Variants in PPP2R5E observed in about 807,000 individuals in gnomAD.
PPP2R5E encodes protein phosphatase 2 regulatory subunit B'epsilon.
In PPP2R5E, 4 loss-of-function variants were observed where a neutral mutation model predicts 65.3. The observed-to-expected ratio is 0.06, with a 90% CI of 0.03 to 0.14. The LOEUF (loss-of-function observed/expected upper bound fraction) is 0.14. PPP2R5E is among the 10% of genes least tolerant of loss of function. The probability of loss-of-function intolerance (pLI) is 1.00; values close to 1 mark genes in which losing one functional copy is unlikely to be tolerated. For missense variants in PPP2R5E, 274 were observed against 556.1 expected (o/e 0.49, Z 5.10); for synonymous variants, 183 against 187.4 (o/e 0.98, Z 0.19).
At chr14:63,401,640 C>A (rs1885758546) in intron 5 of PPP2R5E, among the ~76,000 whole-genome samples, 1 of 152,060 alleles carries the variant, frequency 6.6e-6, no homozygotes, top group Admixed American at 6.6e-5. Flanking sequence ...GGGGATTGAA[C>A]CTCTCTCCTC....
At chr14:63,526,348 A>C (rs74056141) in intron 2 of PPP2R5E, among the ~76,000 whole-genome samples, 20,575 of 152,156 alleles carry the variant, frequency 0.14, 1,512 homozygotes, top group African/African-American at 0.18. Flanking sequence ...CTTATTTTTC[A>C]ATATCATCCT....
At chr14:63,433,835 T>G (rs1887819025) in intron 3 of PPP2R5E, among the ~76,000 whole-genome samples, 1 of 152,182 alleles carries the variant, frequency 6.6e-6, no homozygotes, top group Non-Finnish European at 1.5e-5. Context: ...AGGTTATCTT[T>G]CTGAAGTTCC....
At chr14:63,539,402 T>C (rs1893795820) in intron 2 of PPP2R5E, 127 bp downstream of exon 2, 1 of 1,025,894 alleles carries the variant, frequency 9.7e-7, no homozygotes, top group Admixed American at 2.8e-5. Context: ...CATTAGTAAC[T>C]TCAATGTATG....
intron 5 of PPP2R5E, among the ~76,000 whole-genome samples, chr14:63,403,741 T>C (rs978319653): frequency 6.7e-6 from 1 of 149,144 alleles, no homozygotes; most frequent in African/African-American, 2.5e-5. Context: ...TAGTGATGAA[T>C]ACACAGGAAA....
chr14:63,513,794 C>G (rs1291811259), intron 2 of PPP2R5E, among the ~76,000 whole-genome samples: 1 of 152,176 alleles, frequency 6.6e-6, no homozygotes, highest in Non-Finnish European at 1.5e-5. Context: ...GCTCATCTTT[C>G]ATTAATTGTG....
chr14:63,516,051 A>G (rs11158494), intron 2 of PPP2R5E, among the ~76,000 whole-genome samples: 28,079 of 151,442 alleles, frequency 0.19, 3,270 homozygotes, highest in African/African-American at 0.32. Context: ...GGCTTTCACC[A>G]TGTTAGCCAG....
rs1357154368 is a variant in PPP2R5E, at chr14:63,474,586, T to C, written c.158-20701A>G. Among the ~76,000 whole-genome samples, 27 of 138,990 alleles carry C rather than the reference T, an allele frequency of 1.9e-4. No homozygotes were observed. The Admixed American group carries it at 2.1e-3, about 11-fold the overall frequency. The allele number at this position is 138,990 out of a possible 152,430, so 91.2% of individuals were successfully genotyped here. ...TACTCGGGAGGCTGAGATGGGAGGATGGCTTGAGCCCAGGGAGGTCGAGGC... is the reference window on the plus strand; with the variant it reads ...TACTCGGGAGGCTGAGATGGGAGGACGGCTTGAGCCCAGGGAGGTCGAGGC... On this transcript the variant is annotated intron_variant, in intron 2 of 13. Transcript: ENST00000337537.
At chr14:63,408,847 C>A (rs1363384738) in intron 5 of PPP2R5E, among the ~76,000 whole-genome samples, 2 of 152,182 alleles carry the variant, frequency 1.3e-5, no homozygotes, top group Non-Finnish European at 2.9e-5. Context: ...GTATTGCCAG[C>A]ACTTTGGGAG....
chr14:63,384,559 C>A lies in PPP2R5E; in HGVS notation c.1087G>T (p.Ala363Ser), dbSNP rs745671841. The change falls in exon 12 of 14, where the codon GCA (alanine) becomes TCA (serine). Residue 363 changes from alanine (A) to serine (S), a missense_variant. This residue lies in a region of PPP2R5E where 129 missense variants were observed against 254.9 expected (regional missense o/e 0.51). Transcript: ENST00000337537. ...TATTCATTATTCCAATAATAGAGTG[C>A]TCTTTCTGCCACCTTTGGGAAAAGA... Reference protein sequence around the residue: ...SSPHFQVAERALYYWNNEYIM... With the variant: ...SSPHFQVAERSLYYWNNEYIM... 6.2e-7 allele frequency: 1 copy of A among 1,610,192 alleles called. No individual in the cohort carries two copies. Among genetic ancestry groups the A allele is most frequent in the Non-Finnish European group, 8.5e-7 (1 of 1,178,334 alleles).
At chr14:63,441,452 C>A (rs1353578264) in intron 3 of PPP2R5E, among the ~76,000 whole-genome samples, 1 of 152,206 alleles carries the variant, frequency 6.6e-6, no homozygotes, top group African/African-American at 2.4e-5. Context: ...TTAGTTACTG[C>A]CAGAAATGGG....
In PPP2R5E at chr14:63,500,454, T is replaced by G. The variant is rs944587118; in HGVS notation, c.157+39075A>C. On this transcript the variant is annotated intron_variant, in intron 2 of 13. Transcript: ENST00000337537. ...CGTTTACATTGACTAAATTCTAAACTCAGGATTTAGGACAAAATAATAAAA... is the reference window on the plus strand; with the variant it reads ...CGTTTACATTGACTAAATTCTAAACGCAGGATTTAGGACAAAATAATAAAA... 8.5e-5 allele frequency among the ~76,000 whole-genome samples: 13 copies of G among 152,326 alleles called. No homozygotes were observed. The East Asian group carries it at 2.5e-3, about 29-fold the overall frequency.
chr14:63,526,512 GTCTCTCTTTCTCTT>G (rs1893190878), intron 2 of PPP2R5E, among the ~76,000 whole-genome samples: 1 of 151,938 alleles, frequency 6.6e-6, no homozygotes, highest in Non-Finnish European at 1.5e-5. Flanking sequence ...CTGTCTCTCT[GTCTCTCTTTCTCTT>G]TCTCTCTCTC....
intron 3 of PPP2R5E, among the ~76,000 whole-genome samples, chr14:63,422,478 G>A (rs1230242391): frequency 3.3e-5 from 5 of 152,174 alleles, no homozygotes; most frequent in African/African-American, 1.2e-4. Flanking sequence ...TGTAATCCCA[G>A]CACTTTGGGA....
At chr14:63,531,196 CAT>C (rs1309434187) in intron 2 of PPP2R5E, among the ~76,000 whole-genome samples, 1 of 152,106 alleles carries the variant, frequency 6.6e-6, no homozygotes, top group Non-Finnish European at 1.5e-5. Context: ...AAAAAAATAA[CAT>C]ATGTATACAT....
chr14:63,401,189 G>A (rs900637583), intron 5 of PPP2R5E, among the ~76,000 whole-genome samples: 1 of 152,150 alleles, frequency 6.6e-6, no homozygotes, highest in Non-Finnish European at 1.5e-5. Flanking sequence ...ATTTTATGAT[G>A]TATGAGAGAG....
At chr14:63,486,639 C>T (rs78623442) in intron 2 of PPP2R5E, among the ~76,000 whole-genome samples, 2 of 151,986 alleles carry the variant, frequency 1.3e-5, no homozygotes, top group Admixed American at 6.6e-5. Flanking sequence ...CTGTTTCCCA[C>T]CCTCCCATTT....
chr14:63,540,308 G>A (rs1191395057), intron 1 of PPP2R5E, among the ~76,000 whole-genome samples: 4 of 151,296 alleles, frequency 2.6e-5, no homozygotes, highest in Admixed American at 1.3e-4. Context: ...GCATGCACCT[G>A]TAATCTCAGC....
intron 2 of PPP2R5E, among the ~76,000 whole-genome samples, chr14:63,485,935 T>C (rs941934943): frequency 6.6e-6 from 1 of 151,284 alleles, no homozygotes; most frequent in African/African-American, 2.4e-5. Context: ...GTTCAAGTGA[T>C]TTTCCTGCCT....
chr14:63,388,577 T>C (rs973787985), intron 11 of PPP2R5E, among the ~76,000 whole-genome samples: 3 of 152,244 alleles, frequency 2.0e-5, no homozygotes, highest in Admixed American at 2.0e-4. Context: ...AATATCTATA[T>C]ACTGTTCTGT....
Sources: allele counts gnomAD v4.1 joint callset (sites outside exome capture counted in the v4.1 genomes callset), GRCh38; gene constraint gnomAD v4.1.1; regional missense constraint gnomAD v4.1.1; transcripts MANE v1.5; gene names NCBI Gene and HGNC (gene_info 2026-07-23, HGNC 2026-07-21).